The following C2CD2L variants were observed in gnomAD, a reference collection of about 807,000 sequenced individuals.
The protein encoded by C2CD2L is phospholipid transfer protein C2CD2L.
C2CD2L carries 24 observed loss-of-function variants against 69.9 expected under a neutral mutation model. The observed-to-expected ratio is 0.34, with a 90% CI of 0.25 to 0.48. C2CD2L has a LOEUF of 0.48. Ranked by LOEUF, C2CD2L falls within the 20% of genes least tolerant of loss-of-function variation. C2CD2L has a pLI of 0.99. For synonymous variants in C2CD2L, 367 were observed against 391.0 expected (o/e 0.94, Z 0.72); for missense variants, 811 against 941.5 (o/e 0.86, Z 1.81).
At position 119,111,870 on chromosome 11, in the gene C2CD2L, C is replaced by G. The variant is rs1946752223; in HGVS notation, c.1019+241C>G. 3.9e-5 allele frequency: 20 copies of G among 507,916 alleles called. No individual in the cohort carries two copies. The South Asian group carries it at 5.0e-4, about 13-fold the overall frequency. 31.5% of individuals were successfully genotyped at this position (507,916 alleles called of 1,614,324 possible). On this transcript the variant is annotated intron_variant, in intron 7 of 13. Coordinates refer to ENST00000648610, the MANE Select transcript of C2CD2L (RefSeq NM_001290474.2). ...ACATAAAGAAGATGGTAAAACCGCT[C>G]CAGTTGAGGTTTATGTAATGTGCCG...
chr11:119,110,204 G>C lies in C2CD2L; in HGVS notation c.450+5G>C. 1 of 1,595,698 alleles carries C rather than the reference G, an allele frequency of 6.3e-7. No homozygotes were observed. Among genetic ancestry groups the C allele is most frequent in the East Asian group, 2.2e-5 (1 of 44,778 alleles). ...GACCAATCTGAGCATACCATGGTAA[G>C]GGTCTGATGGGCACTGCCCTCTTTG... On this transcript the variant is annotated splice_donor_5th_base_variant and intron_variant, in intron 2 of 13. Coordinates refer to ENST00000648610, the MANE Select transcript of C2CD2L (RefSeq NM_001290474.2). This position sits in a 1 kb window ranked among gnomAD's most constrained non-coding sequence, Gnocchi z 5.7.
upstream of C2CD2L, among the ~76,000 whole-genome samples, chr11:119,103,240 G>A (rs558338808): frequency 8.5e-5 from 13 of 152,246 alleles, no homozygotes; most frequent in African/African-American, 3.1e-4. Context: ...GCTCTTAGGC[G>A]GCAAATGATT....
rs1325308079 is a variant in C2CD2L, at chr11:119,109,414, C to A, written c.355-690C>A. Among the ~76,000 whole-genome samples, 1 of 152,210 alleles carries A rather than the reference C, an allele frequency of 6.6e-6. No homozygotes were observed. Among genetic ancestry groups the A allele is most frequent in the African/African-American group, 2.4e-5 (1 of 41,442 alleles). ...AGCAGCTCTTTTGAGATCTAAGCAG[C>A]TTTCTGCTCTCTAATACCGTCCTGC... On this transcript the variant is annotated intron_variant, in intron 1 of 13. Coordinates refer to ENST00000648610, the MANE Select transcript of C2CD2L (RefSeq NM_001290474.2). The surrounding 1 kb of genome is among the most constrained non-coding windows in gnomAD (Gnocchi z 5.1).
At chr11:119,104,415 A>G (rs1033544851), upstream of C2CD2L, among the ~76,000 whole-genome samples, 3 of 152,196 alleles carry the variant, frequency 2.0e-5, no homozygotes, top group Non-Finnish European at 4.4e-5. Flanking sequence ...GGATGTAATC[A>G]AAGACAAGAG....
At chr11:119,103,176 C>A (rs1946536564), upstream of C2CD2L, among the ~76,000 whole-genome samples, 1 of 152,156 alleles carries the variant, frequency 6.6e-6, no homozygotes, top group Non-Finnish European at 1.5e-5. Flanking sequence ...CAGGCGTGAG[C>A]CACCACGCCC....
rs572444827 is a variant in C2CD2L, at chr11:119,111,345, G to T, written c.881G>T (p.Arg294Leu). Residue 294 changes from arginine (R) to leucine (L), a missense_variant, in exon 6 of 14, where the codon CGG becomes CTG. Transcript: ENST00000648610. ...AACCGGTTATTCCTACGGCAGCTTC[G>T]GGCATCTCACTTGGGAAATGAGCTG... The part of the protein sequence containing the change: ...RPNRLFLRQL[R>L]ASHLGNELEG... 2.5e-6 allele frequency: 4 copies of T among 1,614,158 alleles called. No individual in the cohort carries two copies. The South Asian group carries it at 4.4e-5, about 18-fold the overall frequency.
chr11:119,102,326 C>G (rs766416796), upstream of C2CD2L: 2 of 471,438 alleles, frequency 4.2e-6, no homozygotes, highest in South Asian at 3.1e-5. Flanking sequence ...GGTGTGGAGA[C>G]GCGCCTGTTT....
chr11:119,113,302 T>C (rs1946798474), intron 10 of C2CD2L: 1 of 402,888 alleles, frequency 2.5e-6, no homozygotes, highest in African/African-American at 2.0e-5. Flanking sequence ...ATGGCACTTC[T>C]GCCATTATAG....
In C2CD2L at chr11:119,111,603, G is replaced by A. The variant is rs527382278; in HGVS notation, c.993G>A (p.Glu331=). Residue 331 remains glutamate (E), a synonymous_variant, in exon 7 of 14, where the codon GAG becomes GAA. Coordinates refer to ENST00000648610, the MANE Select transcript of C2CD2L (RefSeq NM_001290474.2). ...KWTKPARAGS[E]VEWTEDLALD... ...CCAAGCCCGCGAGGGCTGGATCCGA[G>A]GTGGAGTGGACAGAAGACCTGGCAC... The A allele has an allele frequency of 1.9e-6, 3 of 1,613,894 alleles. No homozygotes were observed. The highest frequency in any genetic ancestry group is 2.2e-5 in the East Asian group (1 of 44,886).
Position 119,116,411 on chromosome 11 carries a change from T to C in C2CD2L, c.*155T>C. The C allele has an allele frequency of 1.6e-6, 1 of 641,322 alleles. No individual in the cohort carries two copies. The highest frequency in any genetic ancestry group is 2.7e-6 in the Non-Finnish European group (1 of 369,268). 39.7% of individuals were successfully genotyped at this position (641,322 alleles called of 1,614,324 possible). ...GCCATGGGGCCGGTTGGAAGGATAC[T>C]TGGAACGGGAAGCACATGAGAGGTG... On this transcript the variant is annotated 3_prime_UTR_variant, in exon 14 of 14. Coordinates refer to ENST00000648610, the MANE Select transcript of C2CD2L (RefSeq NM_001290474.2).
upstream of C2CD2L, among the ~76,000 whole-genome samples, chr11:119,103,027 A>G (rs1565767966): frequency 6.6e-6 from 1 of 151,528 alleles, no homozygotes; most frequent in South Asian, 2.1e-4. Flanking sequence ...CAGTAGCTGG[A>G]ATTACAGGCA....
intron 1 of C2CD2L, 43 bp downstream of exon 1, chr11:119,108,138 T>C: frequency 7.2e-7 from 1 of 1,387,726 alleles, no homozygotes. Context: ...CAGCCTTTCC[T>C]TCCAGGGGAG....
rs771051907 is a variant in C2CD2L at position 119,108,110 on chromosome 11, G to A, written c.354+15G>A. On this transcript the variant is annotated intron_variant, in intron 1 of 13. Coordinates refer to ENST00000648610, the MANE Select transcript of C2CD2L (RefSeq NM_001290474.2). ...GCAGAAACGGGGTGAGTTGGACCAA[G>A]CGCTTGGGTGGTCCCTTCAGCCTTT... 6.5e-7 allele frequency: 1 copy of A among 1,544,728 alleles called. No individual in the cohort carries two copies. Among genetic ancestry groups the A allele is most frequent in the South Asian group, 1.1e-5 (1 of 88,060 alleles).
rs749653059 is a variant in C2CD2L, at chr11:119,111,376, T to C, written c.910+2T>C. On this transcript the variant is annotated splice_donor_variant, in intron 6 of 13. Transcript: ENST00000648610. LOFTEE classifies it high-confidence loss of function. ...CTCACTTGGGAAATGAGCTGGAAGG[T>C]GAGAGCTGGAAGTGGCTGCGGGACT... 2 of 1,613,742 alleles carry C rather than the reference T, an allele frequency of 1.2e-6. No homozygotes were observed. The highest frequency in any genetic ancestry group is 2.2e-5 in the East Asian group (1 of 44,874).
Position 119,110,309 on chromosome 11 carries a change from C to A in C2CD2L, c.450+110C>A. ...TGGAGTCTGTGAATGCCTTATGGAT[C>A]TAAGGATTGGTTTCAGGAAGTCTGA... On this transcript the variant is annotated intron_variant, in intron 2 of 13. Coordinates refer to ENST00000648610, the MANE Select transcript of C2CD2L (RefSeq NM_001290474.2). This position sits in a 1 kb window ranked among gnomAD's most constrained non-coding sequence, Gnocchi z 5.7. The A allele has an allele frequency of 2.3e-6, 2 of 886,882 alleles. No individual in the cohort carries two copies. Among genetic ancestry groups the A allele is most frequent in the Non-Finnish European group, 3.5e-6 (2 of 564,998 alleles). The allele number at this position is 886,882 out of a possible 1,614,324, so 54.9% of individuals were successfully genotyped here.
chr11:119,113,133 T>C, intron 10 of C2CD2L: 1 of 538,874 alleles, frequency 1.9e-6, no homozygotes, highest in Non-Finnish European at 3.3e-6. Context: ...ACTGTTGCAC[T>C]CCTACCTTCC....
chr11:119,111,001 A>C (rs1203617516), intron 4 of C2CD2L, 44 bp downstream of exon 4: 10 of 1,613,412 alleles, frequency 6.2e-6, no homozygotes, highest in African/African-American at 1.3e-5. Context: ...ACGGGGAGGG[A>C]GGCAGAGGTG....
At position 119,107,932 on chromosome 11, in the gene C2CD2L, G is replaced by T. The variant is rs756509098; in HGVS notation, c.191G>T (p.Gly64Val). The change falls in exon 1 of 14, where the codon GGC becomes GTC. Residue 64 changes from glycine to valine, a missense_variant. Transcript: ENST00000648610. This position sits in a 1 kb window ranked among gnomAD's most constrained non-coding sequence, Gnocchi z 5.4. Reference protein sequence around the residue: ...GEPAGSLRELGVWRSLLRLRA... With the variant: ...GEPAGSLRELVVWRSLLRLRA... The stretch of plus-strand genomic sequence containing the variant: ...CCCGCGGGTTCCCTGCGGGAGCTGG[G>T]CGTGTGGCGCTCGCTGCTGCGGCTG... 4 of 1,541,774 alleles carry T rather than the reference G, an allele frequency of 2.6e-6. No individual in the cohort carries two copies. The African/African-American group carries it at 5.8e-5, about 22-fold the overall frequency.
At chr11:119,108,219 C>T (rs1946641966) in intron 1 of C2CD2L, 124 bp downstream of exon 1, 1 of 599,642 alleles carries the variant, frequency 1.7e-6, no homozygotes, top group Non-Finnish European at 2.9e-6. Flanking sequence ...GCTTCTCTTC[C>T]CCTCCCGGAT....
Sources: allele counts gnomAD v4.1 joint callset (sites outside exome capture counted in the v4.1 genomes callset), GRCh38; gene constraint gnomAD v4.1.1; non-coding constraint Gnocchi (gnomAD v3.1); transcripts MANE v1.5; gene names NCBI Gene and HGNC (gene_info 2026-07-23, HGNC 2026-07-21).